Variants in ADCY8 observed in about 807,000 individuals in gnomAD.
ADCY8 encodes adenylate cyclase 8.
ADCY8 carries 51 observed loss-of-function variants against 119.7 expected under a neutral mutation model. The observed-to-expected ratio is 0.43, with a 90% CI of 0.34 to 0.54. The LOEUF is 0.54. Ranked by LOEUF, ADCY8 falls within the 20% of genes least tolerant of loss-of-function variation. ADCY8 has a pLI of 0.03. For missense variants in ADCY8, 1,383 were observed against 1,598.8 expected (o/e 0.87, Z 2.30); for synonymous variants, 665 against 651.0 (o/e 1.02, Z -0.33).
At chr8:130,853,577 G>GTT (rs5742176) in intron 9 of ADCY8, among the ~76,000 whole-genome samples, 1 of 147,564 alleles carries the variant, frequency 6.8e-6, no homozygotes, top group Non-Finnish European at 1.5e-5. Flanking sequence ...TAAAATTGAT[G>GTT]TTTTTTTTTT....
intron 1 of ADCY8, among the ~76,000 whole-genome samples, chr8:131,024,153 T>G (rs1823755913): frequency 6.6e-6 from 1 of 152,196 alleles, no homozygotes; most frequent in Admixed American, 6.5e-5. Flanking sequence ...TTCAGGTGAT[T>G]CATGAGTGGA....
Position 130,823,862 on chromosome 8 carries a change from A to G in ADCY8, c.2676-2442T>C, listed in dbSNP as rs149141376. 6.6e-5 allele frequency among the ~76,000 whole-genome samples: 10 copies of G among 152,350 alleles called. No individual in the cohort carries two copies. The East Asian group carries it at 1.3e-3, about 21-fold the overall frequency. On this transcript the variant is annotated intron_variant, in intron 12 of 17. Transcript: ENST00000286355. ...AGTATGTTTACAAATTTAGGATTGC[A>G]TAGCTCTCATACTGTTTCGTAAGCT...
At chr8:130,892,452 C>T (rs934310335) in intron 7 of ADCY8, 3 of 152,128 alleles carry the variant, frequency 2.0e-5, no homozygotes, top group Non-Finnish European at 2.9e-5. Context: ...AAGGCAGGTG[C>T]CCCGACTCTG....
intron 2 of ADCY8, among the ~76,000 whole-genome samples, chr8:130,968,191 G>A (rs1280581517): frequency 6.8e-5 from 10 of 147,900 alleles, no homozygotes; most frequent in Admixed American, 5.4e-4. Flanking sequence ...TTTTTTTTGA[G>A]ACAGGGTCTC....
At chr8:130,920,970 C>A (rs1223433686) in intron 5 of ADCY8, among the ~76,000 whole-genome samples, 2 of 152,242 alleles carry the variant, frequency 1.3e-5, no homozygotes, top group African/African-American at 4.8e-5. Context: ...CTAGCCTCCA[C>A]AATTTTGTGA....
At chr8:130,907,377 T>A (rs6415523) in intron 6 of ADCY8, among the ~76,000 whole-genome samples, 74,148 of 152,034 alleles carry the variant, frequency 0.49, 19,208 homozygotes, top group East Asian at 0.63. Context: ...GAAAAATATA[T>A]AACAATATCA....
At chr8:130,926,608 C>T (rs1433036054) in intron 5 of ADCY8, among the ~76,000 whole-genome samples, 1 of 152,052 alleles carries the variant, frequency 6.6e-6, no homozygotes, top group Non-Finnish European at 1.5e-5. Context: ...CACATGACAT[C>T]CAGTCTCTTA....
At chr8:130,814,363 G>A in intron 13 of ADCY8, 136 bp from the exon 14 acceptor site, 1 of 961,768 alleles carries the variant, frequency 1.0e-6, no homozygotes, top group Non-Finnish European at 1.5e-6. Context: ...TGAATATTTT[G>A]GGAGGCATTT....
intron 7 of ADCY8, 46 bp downstream of exon 7, chr8:130,903,726 C>T (rs372590487): frequency 1.0e-5 from 16 of 1,598,108 alleles, no homozygotes; most frequent in Middle Eastern, 2.3e-4. Flanking sequence ...GAGATGCACA[C>T]GAGCATGCAT....
intron 2 of ADCY8, among the ~76,000 whole-genome samples, chr8:130,957,677 G>A (rs1342290076): frequency 1.1e-4 from 16 of 152,322 alleles, no homozygotes; most frequent in Middle Eastern, 3.4e-3. Flanking sequence ...CAGGCCCAGG[G>A]TCCCCATACT....
intron 11 of ADCY8, among the ~76,000 whole-genome samples, chr8:130,838,199 G>C (rs954562130): frequency 6.6e-6 from 1 of 152,144 alleles, no homozygotes; most frequent in Non-Finnish European, 1.5e-5. Context: ...TCCTGACTGT[G>C]TTCTCTCAGA....
intron 2 of ADCY8, among the ~76,000 whole-genome samples, chr8:130,967,605 T>C (rs1239082706): frequency 1.3e-5 from 2 of 152,220 alleles, no homozygotes; most frequent in East Asian, 1.9e-4. Context: ...TCACAGGCCA[T>C]GGTCTGCATT....
At chr8:131,002,761 A>G (rs887237895) in intron 1 of ADCY8, among the ~76,000 whole-genome samples, 1 of 152,156 alleles carries the variant, frequency 6.6e-6, no homozygotes, top group Non-Finnish European at 1.5e-5. Context: ...ACCTCTATTA[A>G]CAACTTGAAT....
intron 9 of ADCY8, among the ~76,000 whole-genome samples, chr8:130,865,560 T>C (rs1221464500): frequency 2.0e-5 from 3 of 152,166 alleles, no homozygotes; most frequent in Admixed American, 6.5e-5. Context: ...TTATTTTTTA[T>C]AATAGTATAG....
intron 8 of ADCY8, among the ~76,000 whole-genome samples, chr8:130,883,374 G>A (rs917520054): frequency 1.3e-5 from 2 of 151,994 alleles, no homozygotes; most frequent in African/African-American, 4.8e-5. Context: ...TACTTTTTTT[G>A]TGTGGGTTGA....
chr8:130,832,686 T>C (rs1368155170), intron 12 of ADCY8, among the ~76,000 whole-genome samples: 1 of 152,194 alleles, frequency 6.6e-6, no homozygotes, highest in African/African-American at 2.4e-5. Flanking sequence ...CCAGCAGCAA[T>C]GAACCTGGAG....
intron 10 of ADCY8, among the ~76,000 whole-genome samples, chr8:130,848,357 G>T (rs369190783): frequency 2.0e-4 from 31 of 152,296 alleles, no homozygotes; most frequent in Middle Eastern, 3.4e-3. Context: ...GGTCCTGGCT[G>T]CTTCTCTGCA....
At position 130,780,880 on chromosome 8, in the gene ADCY8, G is replaced by T. The variant is rs199731937; in HGVS notation, c.3269-3C>A. On this transcript the variant is annotated splice_region_variant and splice_polypyrimidine_tract_variant and intron_variant, in intron 17 of 17. Transcript: ENST00000286355. ...TACCACTGAGCCGTGGCTGATGCCT[G>T]GGGGGTGAAGCAAAGGAGCAAGAAG... 34 of 1,611,818 alleles carry T rather than the reference G, an allele frequency of 2.1e-5. No individual in the cohort carries two copies. The highest frequency in any genetic ancestry group is 2.5e-5 in the Non-Finnish European group (30 of 1,178,372).
At chr8:130,803,808 G>C (rs988909213) in intron 14 of ADCY8, among the ~76,000 whole-genome samples, 3 of 152,280 alleles carry the variant, frequency 2.0e-5, no homozygotes, top group African/African-American at 7.2e-5. Flanking sequence ...GCATGCCCTA[G>C]GTCAGAGAAA....
Sources: gnomAD v4.1 joint callset for allele counts (sites outside exome capture counted in the v4.1 genomes callset) on GRCh38, gnomAD v4.1.1 for gene constraint, MANE v1.5 for transcripts, NCBI Gene and HGNC (gene_info 2026-07-23, HGNC 2026-07-21) for gene names.